Variants in OXR1 observed in about 807,000 individuals in gnomAD.
The protein encoded by OXR1 is oxidation resistance protein 1.
A neutral mutation model predicts 104.6 loss-of-function variants in OXR1; 41 were observed. That is an observed-to-expected ratio of 0.39 (90% CI 0.31 to 0.51). OXR1 has a LOEUF of 0.51. Ranked by LOEUF, OXR1 falls within the 20% of genes least tolerant of loss-of-function variation. The probability of loss-of-function intolerance (pLI) is 0.77; values close to 1 mark genes in which losing one functional copy is unlikely to be tolerated. For synonymous variants in OXR1, 348 were observed against 348.4 expected (o/e 1.00, Z 0.01); for missense variants, 955 against 1,031.9 (o/e 0.93, Z 1.02).
At chr8:106,307,325 T>C (rs1303764429) in intron 1 of OXR1, among the ~76,000 whole-genome samples, 1 of 152,122 alleles carries the variant, frequency 6.6e-6, no homozygotes, top group Admixed American at 6.5e-5. Context: ...TTCCCCATTG[T>C]CCCCAGGATA....
chr8:106,589,583 C>T (rs370713588), intron 3 of OXR1, among the ~76,000 whole-genome samples: 95 of 152,208 alleles, frequency 6.2e-4, no homozygotes, highest in African/African-American at 1.8e-3. Context: ...CGATTTCAGA[C>T]GACGCAGCAC....
chr8:106,301,394 TACTC>T (rs1304396219), intron 1 of OXR1, among the ~76,000 whole-genome samples: 3 of 152,222 alleles, frequency 2.0e-5, no homozygotes, highest in African/African-American at 7.2e-5. Context: ...TTGATTTCAA[TACTC>T]AGTCAGTAGG....
chr8:106,610,307 C>T (rs1342458780), intron 3 of OXR1, among the ~76,000 whole-genome samples: 4 of 152,136 alleles, frequency 2.6e-5, no homozygotes, highest in South Asian at 2.1e-4. Context: ...ATATATCACA[C>T]AGTTTATAAT....
At chr8:106,688,847 T>C (rs1451705291) in intron 6 of OXR1, among the ~76,000 whole-genome samples, 1 of 152,090 alleles carries the variant, frequency 6.6e-6, no homozygotes, top group Non-Finnish European at 1.5e-5. Flanking sequence ...TTGTACTGCC[T>C]AAGTAATGAA....
intron 2 of OXR1, among the ~76,000 whole-genome samples, chr8:106,451,239 G>A (rs560343511): frequency 1.3e-5 from 2 of 152,208 alleles, no homozygotes; most frequent in South Asian, 4.2e-4. Flanking sequence ...AGACTACCTG[G>A]AATCAAGGAC....
intron 3 of OXR1, among the ~76,000 whole-genome samples, chr8:106,528,200 T>G (rs1315267825): frequency 6.6e-6 from 1 of 152,212 alleles, no homozygotes; most frequent in Non-Finnish European, 1.5e-5. Flanking sequence ...TGAATGGTCT[T>G]TTGTGAAATG....
At chr8:106,519,351 A>G (rs1813087247) in intron 3 of OXR1, among the ~76,000 whole-genome samples, 1 of 152,196 alleles carries the variant, frequency 6.6e-6, no homozygotes, top group Non-Finnish European at 1.5e-5. Flanking sequence ...AGGCTTGAGG[A>G]CCTTCTATAT....
rs145249296 is a variant in OXR1, at chr8:106,596,208, G to A, written c.220+77069G>A. ...CATCTACAATCCCCACACTTTGGGA[G>A]GCCAAGGTGGGCAGATCACTTGAGA... On this transcript the variant is annotated intron_variant, in intron 3 of 16. Transcript: ENST00000517566. Among the ~76,000 whole-genome samples, 1,113 of 152,202 alleles carry A rather than the reference G, an allele frequency of 7.3e-3. 14 individuals are homozygous for A. Among genetic ancestry groups the A allele is most frequent in the African/African-American group, 0.025 (1,023 of 41,522 alleles).
At chr8:106,565,391 A>G (rs564126296) in intron 3 of OXR1, among the ~76,000 whole-genome samples, 1 of 152,314 alleles carries the variant, frequency 6.6e-6, no homozygotes, top group East Asian at 1.9e-4. Context: ...CTACAAAGAG[A>G]ATAAAATACC....
Position 106,302,947 on chromosome 8 carries a change from G to T in OXR1, c.-139+32580G>T, listed in dbSNP as rs886075105. On this transcript the variant is annotated intron_variant, in intron 1 of 16. Coordinates refer to ENST00000517566, the MANE Select transcript of OXR1 (RefSeq NM_001198533.2). ...TTTTTGTATTTTTAGTAGAGACGGG[G>T]TTTCACCGTGTTAGCCAGGATGGTC... 4.5e-4 allele frequency among the ~76,000 whole-genome samples: 68 copies of T among 151,996 alleles called. 1 individual carries two copies. Among genetic ancestry groups the T allele is most frequent in the African/African-American group, 1.5e-3 (63 of 41,510 alleles).
intron 3 of OXR1, among the ~76,000 whole-genome samples, chr8:106,573,952 T>C (rs1817653185): frequency 6.6e-6 from 1 of 152,212 alleles, no homozygotes; most frequent in Non-Finnish European, 1.5e-5. Flanking sequence ...TAGAAGAAAT[T>C]TAGATGGCTT....
intron 3 of OXR1, among the ~76,000 whole-genome samples, chr8:106,526,785 C>A (rs528125536): frequency 6.6e-6 from 1 of 152,320 alleles, no homozygotes; most frequent in Admixed American, 6.5e-5. Context: ...CTTCGTGATG[C>A]GCCCCCCTCT....
intron 1 of OXR1, among the ~76,000 whole-genome samples, chr8:106,289,436 T>G (rs1408003312): frequency 6.6e-6 from 1 of 152,042 alleles, no homozygotes; most frequent in African/African-American, 2.4e-5. Context: ...AAGGAAATAC[T>G]TAGGAACACA....
intron 2 of OXR1, among the ~76,000 whole-genome samples, chr8:106,389,585 C>T (rs2022976): frequency 0.12 from 17,563 of 152,182 alleles, 1,244 homozygotes; most frequent in East Asian, 0.2. Context: ...TACCCATTTT[C>T]CCAGTTAGTT....
chr8:106,546,258 A>T (rs1815350881), intron 3 of OXR1, among the ~76,000 whole-genome samples: 1 of 152,190 alleles, frequency 6.6e-6, no homozygotes, highest in African/African-American at 2.4e-5. Flanking sequence ...ACATGGGGAT[A>T]TGCTTAGCTT....
At chr8:106,589,855 C>T (rs1249008914) in intron 3 of OXR1, among the ~76,000 whole-genome samples, 2 of 152,034 alleles carry the variant, frequency 1.3e-5, no homozygotes, top group Non-Finnish European at 2.9e-5. Context: ...TTAGTAGAGT[C>T]GGCATTTCTC....
At chr8:106,300,263 A>G (rs567080631) in intron 1 of OXR1, among the ~76,000 whole-genome samples, 29 of 152,184 alleles carry the variant, frequency 1.9e-4, no homozygotes, top group African/African-American at 6.7e-4. Context: ...ACCCTTTTCA[A>G]TTGAGCAGTG....
chr8:106,441,821 G>A (rs145902821), intron 2 of OXR1, among the ~76,000 whole-genome samples: 78 of 152,290 alleles, frequency 5.1e-4, no homozygotes, highest in African/African-American at 1.7e-3. Flanking sequence ...TTTGGGGTGA[G>A]ATGATGGGGT....
At chr8:106,270,589 G>T (rs1030272201) in intron 1 of OXR1, among the ~76,000 whole-genome samples, 1 of 151,758 alleles carries the variant, frequency 6.6e-6, no homozygotes, top group Admixed American at 6.6e-5. Flanking sequence ...TAGCTCCAGC[G>T]GGGGCCCAGA....
Sources: allele counts gnomAD v4.1 joint callset (sites outside exome capture counted in the v4.1 genomes callset), GRCh38; gene constraint gnomAD v4.1.1; transcripts MANE v1.5; gene names NCBI Gene and HGNC (gene_info 2026-07-23, HGNC 2026-07-21).